The following STK32C variants were observed in gnomAD, a reference collection of about 807,000 sequenced individuals.
The protein encoded by STK32C is serine/threonine kinase 32C, also known as serine/threonine-protein kinase 32C.
In STK32C, 31 loss-of-function variants were observed where a neutral mutation model predicts 56.5. That is an observed-to-expected ratio of 0.55 (90% confidence interval 0.41 to 0.74). STK32C has a LOEUF of 0.74. STK32C is among the 30% of genes least tolerant of loss of function. STK32C has a pLI of 0.00. For missense variants in STK32C, 544 were observed against 676.9 expected (o/e 0.80, Z 2.18); for synonymous variants, 309 against 289.4 (o/e 1.07, Z -0.69).
chr10:132,308,958 G>C, upstream of STK32C, among the ~76,000 whole-genome samples: 1 of 152,166 alleles, frequency 6.6e-6, no homozygotes, highest in East Asian at 1.9e-4. Context: ...CGGGCTGTTT[G>C]ACTTTAGGAA....
intron 7 of STK32C, 66 bp downstream of exon 7, chr10:132,225,167 C>G: frequency 6.6e-6 from 9 of 1,366,442 alleles, no homozygotes; most frequent in Non-Finnish European, 9.0e-6. Context: ...ACCCCCTCCC[C>G]AGCACTGGTG....
chr10:132,329,657 A>G (rs1042796341), intron 1 of STK32C, among the ~76,000 whole-genome samples: 1 of 152,250 alleles, frequency 6.6e-6, no homozygotes, highest in African/African-American at 2.4e-5. Context: ...CACAGAGACC[A>G]ATACTGGGAA....
At chr10:132,268,187 G>A (rs1463655101) in intron 1 of STK32C, among the ~76,000 whole-genome samples, 3 of 144,516 alleles carry the variant, frequency 2.1e-5, no homozygotes, top group Non-Finnish European at 4.5e-5. Context: ...GTGTATGCAG[G>A]TTCAGCTCTA....
intron 1 of STK32C, chr10:132,330,598 C>G: frequency 1.4e-6 from 1 of 698,684 alleles, no homozygotes; most frequent in Admixed American, 2.0e-5. Context: ...GCCTCAAAAT[C>G]CTAGGTTCAA....
At chr10:132,240,145 C>T (rs944203802) in intron 2 of STK32C, among the ~76,000 whole-genome samples, 9 of 152,122 alleles carry the variant, frequency 5.9e-5, no homozygotes, top group East Asian at 1.9e-4. Context: ...TGACTCAAGC[C>T]GCCTGGGTGG....
At chr10:132,254,969 T>A (rs2064056164) in intron 1 of STK32C, among the ~76,000 whole-genome samples, 1 of 151,856 alleles carries the variant, frequency 6.6e-6, no homozygotes, top group African/African-American at 2.4e-5. Context: ...ACGCTTCCCT[T>A]CACAGCCCAC....
At chr10:132,275,954 T>A (rs958702932) in intron 1 of STK32C, among the ~76,000 whole-genome samples, 1 of 152,020 alleles carries the variant, frequency 6.6e-6, no homozygotes, top group African/African-American at 2.4e-5. Context: ...ACCCCGCAAG[T>A]GGTGGCTGCC....
intron 1 of STK32C, among the ~76,000 whole-genome samples, chr10:132,301,163 AT>A (rs1351686702): frequency 6.6e-6 from 1 of 151,572 alleles, no homozygotes; most frequent in East Asian, 1.9e-4. Flanking sequence ...CTCCATTAAT[AT>A]GAGCCCAGAA....
intron 2 of STK32C, among the ~76,000 whole-genome samples, chr10:132,244,075 G>A (rs1242228708): frequency 6.6e-6 from 1 of 152,188 alleles, no homozygotes; most frequent in Non-Finnish European, 1.5e-5. Flanking sequence ...TCCTGCCATG[G>A]GGTCATTGCC....
chr10:132,331,825 A>T, exon 1 of STK32C: 1 of 1,544,972 alleles, frequency 6.5e-7, no homozygotes, highest in Non-Finnish European at 8.8e-7. Flanking sequence ...CACCCCTTCA[A>T]GGCCGCGGGC....
At chr10:132,321,632 C>T (rs2066409670), downstream of STK32C, among the ~76,000 whole-genome samples, 1 of 152,132 alleles carries the variant, frequency 6.6e-6, no homozygotes, top group African/African-American at 2.4e-5. Context: ...GAGTTCGAGA[C>T]CAGCCTGGCC....
chr10:132,292,481 GCA>G (rs555020391), intron 1 of STK32C, among the ~76,000 whole-genome samples: 18 of 152,214 alleles, frequency 1.2e-4, no homozygotes, highest in African/African-American at 4.3e-4. Flanking sequence ...ATTCATGCAT[GCA>G]CACACATTCA....
At chr10:132,304,106 A>G (rs1404572301) in intron 1 of STK32C, among the ~76,000 whole-genome samples, 2 of 152,276 alleles carry the variant, frequency 1.3e-5, no homozygotes, top group African/African-American at 4.8e-5. Context: ...TAGGGAAACA[A>G]TGCCAAGTGC....
intron 1 of STK32C, among the ~76,000 whole-genome samples, chr10:132,258,780 C>G (rs1346775689): frequency 3.9e-5 from 6 of 152,216 alleles, no homozygotes; most frequent in Admixed American, 3.9e-4. Context: ...GCCACACGGT[C>G]GCACACCTCA....
intron 1 of STK32C, among the ~76,000 whole-genome samples, chr10:132,325,271 G>A (rs918963673): frequency 2.0e-5 from 3 of 152,042 alleles, no homozygotes; most frequent in Admixed American, 6.6e-5. Flanking sequence ...GGAGTTCCCC[G>A]GCCGGGCGCG....
intron 2 of STK32C, among the ~76,000 whole-genome samples, chr10:132,244,839 T>G (rs1486958355): frequency 6.6e-6 from 1 of 152,220 alleles, no homozygotes; most frequent in African/African-American, 2.4e-5. Context: ...CCAACAGCCC[T>G]GAGCGTCTCT....
At chr10:132,221,327 C>T (rs1437300246) in intron 10 of STK32C, among the ~76,000 whole-genome samples, 2 of 150,932 alleles carry the variant, frequency 1.3e-5, no homozygotes, top group Non-Finnish European at 2.9e-5. Context: ...CGTCCCCACA[C>T]ACACAACTGA....
chr10:132,251,325 G>C (rs572732220), intron 1 of STK32C, among the ~76,000 whole-genome samples: 12 of 152,350 alleles, frequency 7.9e-5, no homozygotes, highest in Admixed American at 7.8e-4. Context: ...ACGGGTCTGC[G>C]TGGTGGTGCC....
Position 132,241,560 on chromosome 10 carries a change from G to A in STK32C, c.318+4340C>T, listed in dbSNP as rs531794239. On this transcript the variant is annotated intron_variant, in intron 2 of 11. Transcript: ENST00000298630. ...CTTTGCTCTCAATTAATCTGAAAAC[G>A]TAACTCCTATCCAAATCCCAGCGGG... Among the ~76,000 whole-genome samples, 12 of 152,270 alleles carry A rather than the reference G, an allele frequency of 7.9e-5. No individual in the cohort carries two copies. In the South Asian group the frequency reaches 1.5e-3, roughly 18 times the overall value.
Sources: allele counts gnomAD v4.1 joint callset (sites outside exome capture counted in the v4.1 genomes callset), GRCh38; gene constraint gnomAD v4.1.1; transcripts MANE v1.5; gene names NCBI Gene and HGNC (gene_info 2026-07-23, HGNC 2026-07-21).